The following PLCE1 variants were observed in gnomAD, a reference collection of about 807,000 sequenced individuals.
The protein encoded by PLCE1 is phospholipase C epsilon 1.
Under a neutral mutation model 242.8 loss-of-function variants are expected in PLCE1, and 119 were observed. That is an observed-to-expected ratio of 0.49 (90% CI 0.42 to 0.57). The LOEUF is 0.57. Ranked by LOEUF, PLCE1 falls within the 20% of genes least tolerant of loss-of-function variation. The pLI is 0.00. For synonymous variants in PLCE1, 945 were observed against 1,017.4 expected, an observed-to-expected ratio of 0.93 and a Z score of 1.35; for missense variants, 2,441 against 2,788.8, an observed-to-expected ratio of 0.88 and a Z score of 2.81.
chr10:94,291,151 T>A (rs1304382242), intron 22 of PLCE1, among the ~76,000 whole-genome samples: 1 of 152,290 alleles, frequency 6.6e-6, no homozygotes, highest in East Asian at 1.9e-4. Context: ...TCTTTTTTTT[T>A]AAGTAATTCT....
At chr10:94,026,927 G>T (rs2134439404) in intron 1 of PLCE1, among the ~76,000 whole-genome samples, 1 of 152,240 alleles carries the variant, frequency 6.6e-6, no homozygotes, top group African/African-American at 2.4e-5. Flanking sequence ...ATAAACATTT[G>T]CCTTGAATTT....
Position 94,073,324 on chromosome 10 carries a change from A to T in PLCE1, c.1206+41072A>T, listed in dbSNP as rs1564664334. 2.0e-5 allele frequency among the ~76,000 whole-genome samples: 3 copies of T among 152,186 alleles called. No homozygotes were observed. The East Asian group carries it at 5.8e-4, about 29-fold the overall frequency. ...CATGAGCAAACATGTTTTGAATTCC[A>T]AGTAACCAACTTACTTTATAAACTT... On this transcript the variant is annotated intron_variant, in intron 2 of 32. Coordinates refer to ENST00000371380, the MANE Select transcript of PLCE1 (RefSeq NM_016341.4).
At chr10:94,100,896 A>T (rs898797279) in intron 2 of PLCE1, among the ~76,000 whole-genome samples, 1 of 152,118 alleles carries the variant, frequency 6.6e-6, no homozygotes, top group African/African-American at 2.4e-5. Flanking sequence ...CTGGAATTGG[A>T]GGCTCAGATG....
intron 4 of PLCE1, among the ~76,000 whole-genome samples, chr10:94,211,265 T>TA (rs764073416): frequency 2.6e-5 from 4 of 152,224 alleles, no homozygotes; most frequent in Admixed American, 6.5e-5. Context: ...CTTCACCCAG[T>TA]AAGCCTGCCT....
At chr10:94,194,824 A>G (rs11187811) in intron 4 of PLCE1, among the ~76,000 whole-genome samples, 38,515 of 152,056 alleles carry the variant, frequency 0.25, 5,257 homozygotes, top group African/African-American at 0.36. Flanking sequence ...TGATGATGAT[A>G]ATAATTCTAG....
intron 2 of PLCE1, among the ~76,000 whole-genome samples, chr10:94,045,062 T>A (rs2061850513): frequency 6.6e-6 from 1 of 152,146 alleles, no homozygotes; most frequent in Non-Finnish European, 1.5e-5. Flanking sequence ...GTATAGTGGT[T>A]CAATAATAGC....
At chr10:94,248,333 G>A (rs571716553) in intron 8 of PLCE1, among the ~76,000 whole-genome samples, 60 of 152,268 alleles carry the variant, frequency 3.9e-4, no homozygotes, top group South Asian at 2.1e-4. Flanking sequence ...TGTGTGTGGC[G>A]GCTTATGCCT....
At chr10:94,086,305 C>T (rs1215591131) in intron 2 of PLCE1, among the ~76,000 whole-genome samples, 1 of 152,186 alleles carries the variant, frequency 6.6e-6, no homozygotes, top group African/African-American at 2.4e-5. Context: ...TTTACGGCCA[C>T]ACCCAGCTTG....
chr10:94,296,678 T>C (rs1234567334), intron 23 of PLCE1, among the ~76,000 whole-genome samples: 1 of 152,184 alleles, frequency 6.6e-6, no homozygotes, highest in Non-Finnish European at 1.5e-5. Context: ...ACTTTCCCCA[T>C]ATCAGTAATA....
chr10:94,056,593 A>C (rs2043910861), intron 2 of PLCE1, among the ~76,000 whole-genome samples: 1 of 152,174 alleles, frequency 6.6e-6, no homozygotes, highest in Non-Finnish European at 1.5e-5. Context: ...TTTGAGTCTT[A>C]CCATATATAA....
intron 13 of PLCE1, among the ~76,000 whole-genome samples, chr10:94,262,242 C>A (rs889945756): frequency 3.3e-5 from 5 of 151,996 alleles, no homozygotes; most frequent in Admixed American, 1.3e-4. Context: ...CTCAGGTGGT[C>A]CACCTGCCTC....
At chr10:94,068,618 G>C (rs2044266244) in intron 2 of PLCE1, among the ~76,000 whole-genome samples, 1 of 152,158 alleles carries the variant, frequency 6.6e-6, no homozygotes, top group Non-Finnish European at 1.5e-5. Context: ...AGGAATGACT[G>C]TATTAACATG....
chr10:94,288,762 C>T (rs1015343480), intron 22 of PLCE1, among the ~76,000 whole-genome samples: 1 of 152,146 alleles, frequency 6.6e-6, no homozygotes, highest in Non-Finnish European at 1.5e-5. Flanking sequence ...ATTTTTATTC[C>T]TACACTGAAG....
At chr10:94,148,536 G>T (rs188398007) in intron 3 of PLCE1, among the ~76,000 whole-genome samples, 1 of 152,310 alleles carries the variant, frequency 6.6e-6, no homozygotes, top group East Asian at 1.9e-4. Context: ...GCCCTAGAAG[G>T]TCTCTCTGGT....
chr10:94,279,157 G>A (rs2052090738), intron 19 of PLCE1: 1 of 155,840 alleles, frequency 6.4e-6, no homozygotes, highest in South Asian at 2.0e-4. Flanking sequence ...GACCTGTACT[G>A]ATGCTTATCA....
At chr10:94,307,166 G>A (rs2053232909) in intron 26 of PLCE1, among the ~76,000 whole-genome samples, 1 of 152,190 alleles carries the variant, frequency 6.6e-6, no homozygotes, top group Non-Finnish European at 1.5e-5. Context: ...CTATTTGCTT[G>A]TAGATTGGCT....
At chr10:94,134,166 T>C (rs2135933365) in intron 3 of PLCE1, among the ~76,000 whole-genome samples, 1 of 152,004 alleles carries the variant, frequency 6.6e-6, no homozygotes, top group South Asian at 2.1e-4. Context: ...AGTGGCATGA[T>C]CTTGGCTCAC....
chr10:94,081,648 G>T (rs375297453), intron 2 of PLCE1, among the ~76,000 whole-genome samples: 13 of 152,230 alleles, frequency 8.5e-5, no homozygotes, highest in East Asian at 7.7e-4. Flanking sequence ...ATGTCCTCAG[G>T]CATTTGCTAA....
Position 94,106,587 on chromosome 10 carries a change from C to T in PLCE1, c.1207-25587C>T, listed in dbSNP as rs375206885. ...TGTGATTGCTGAGTCTTGGGGTATA[C>T]ACACTTAAAACTGTGATAGATACTG... On this transcript the variant is annotated intron_variant, in intron 2 of 32. Coordinates refer to ENST00000371380, the MANE Select transcript of PLCE1 (RefSeq NM_016341.4). Among the ~76,000 whole-genome samples the T allele has an allele frequency of 6.6e-5, 10 of 152,254 alleles. No homozygotes were observed. In the East Asian group the frequency reaches 9.6e-4, roughly 15 times the overall value.
Sources: allele counts gnomAD v4.1 joint callset (sites outside exome capture counted in the v4.1 genomes callset), GRCh38; gene constraint gnomAD v4.1.1; transcripts MANE v1.5; gene names NCBI Gene and HGNC (gene_info 2026-07-23, HGNC 2026-07-21).